Variants in LIPT1 observed in about 807,000 individuals in gnomAD.
The protein encoded by LIPT1 is lipoyltransferase 1.
In LIPT1, 22 loss-of-function variants were observed where a neutral mutation model predicts 25.1. That is an observed-to-expected ratio of 0.88 (90% CI 0.63 to 1.25). The LOEUF is 1.25. Among genes scored for constraint, LIPT1 ranks in the 50% most tolerant of loss-of-function variants. LIPT1 has a pLI of 0.00. For missense variants in LIPT1, 399 were observed against 432.8 expected, an observed-to-expected ratio of 0.92 and a Z score of 0.69; for synonymous variants, 131 against 150.8, an observed-to-expected ratio of 0.87 and a Z score of 0.96.
At chr2:99,160,014 G>A (rs1317807408) in intron 1 of LIPT1, among the ~76,000 whole-genome samples, 1 of 152,162 alleles carries the variant, frequency 6.6e-6, no homozygotes, top group Non-Finnish European at 1.5e-5. Context: ...AATGTAAACT[G>A]ATTCAACTTT....
intron 1 of LIPT1, among the ~76,000 whole-genome samples, chr2:99,159,003 A>G (rs1454393121): frequency 6.6e-6 from 1 of 151,902 alleles, no homozygotes; most frequent in Non-Finnish European, 1.5e-5. Context: ...ATCTCGGCTC[A>G]CTGCAAGCTC....
intron 1 of LIPT1, chr2:99,155,345 C>T (rs1305903997): frequency 2.4e-5 from 9 of 376,892 alleles, no homozygotes; most frequent in Non-Finnish European, 4.7e-5. Flanking sequence ...GTAAAACATG[C>T]ACACGACCGT....
chr2:99,157,985 A>C (rs1216865938), intron 1 of LIPT1, among the ~76,000 whole-genome samples: 1 of 152,234 alleles, frequency 6.6e-6, no homozygotes, highest in Non-Finnish European at 1.5e-5. Flanking sequence ...GTTAGCACAT[A>C]TTGTGTACTT....
intron 1 of LIPT1, among the ~76,000 whole-genome samples, chr2:99,157,019 A>C (rs1457900644): frequency 2.0e-5 from 3 of 152,220 alleles, no homozygotes; most frequent in African/African-American, 7.2e-5. Context: ...TATGCATATT[A>C]ACACATTTAA....
At chr2:99,155,101 G>C in intron 1 of LIPT1, 50 bp downstream of exon 1, 1 of 453,202 alleles carries the variant, frequency 2.2e-6, no homozygotes, top group Non-Finnish European at 4.4e-6. Context: ...GCCGTAGCGC[G>C]TGGGCGGCCG....
At chr2:99,159,713 G>T (rs1323557293) in intron 1 of LIPT1, among the ~76,000 whole-genome samples, 1 of 152,148 alleles carries the variant, frequency 6.6e-6, no homozygotes, top group East Asian at 1.9e-4. Flanking sequence ...ATATGGTACT[G>T]TGTCAAAGTC....
chr2:99,162,772 T>A lies in LIPT1; in HGVS notation c.815T>A (p.Ile272Lys), dbSNP rs768082526. ...AAAGAACTGCAAACTTGGGAGTGGA[T>A]ATATGGCAAAACTCCAAAGTTTAGT... ...KAKELQTWEW[I>K]YGKTPKFSIN... is the part of the protein sequence containing the mutation. Residue 272 changes from isoleucine to lysine, a missense_variant, in exon 2 of 2, where the codon ATA becomes AAA. Coordinates refer to ENST00000651691, the MANE Select transcript of LIPT1 (RefSeq NM_145199.3). 1 of 1,614,078 alleles carries A rather than the reference T, an allele frequency of 6.2e-7. No individual in the cohort carries two copies. The highest frequency in any genetic ancestry group is 8.5e-7 in the Non-Finnish European group (1 of 1,179,910).
intron 1 of LIPT1, among the ~76,000 whole-genome samples, chr2:99,160,103 A>C (rs1239660162): frequency 6.6e-6 from 1 of 152,244 alleles, no homozygotes; most frequent in East Asian, 1.9e-4. Context: ...CTTCTAAGAT[A>C]TTACTTAACT....
intron 1 of LIPT1, among the ~76,000 whole-genome samples, chr2:99,159,132 G>A (rs2093770278): frequency 6.6e-6 from 1 of 151,948 alleles, no homozygotes; most frequent in African/African-American, 2.4e-5. Context: ...GTTTCACTGT[G>A]TTAGCCAGGA....
chr2:99,163,085 A>C lies in LIPT1; in HGVS notation c.*6A>C. ...AAATTAAGGGAATAATGTGATTCCA[A>C]GTAAATGTCTTAATACAGTTTCAAT... On this transcript the variant is annotated 3_prime_UTR_variant, in exon 2 of 2. Transcript: ENST00000651691. 2 of 1,519,076 alleles carry C rather than the reference A, an allele frequency of 1.3e-6. No homozygotes were observed. The allele number at this position is 1,519,076 out of a possible 1,614,324, so 94.1% of individuals were successfully genotyped here.
At chr2:99,160,180 G>A (rs1264511021) in intron 1 of LIPT1, among the ~76,000 whole-genome samples, 1 of 152,208 alleles carries the variant, frequency 6.6e-6, no homozygotes, top group South Asian at 2.1e-4. Context: ...GCTGAGGCAG[G>A]AGGATCACTG....
intron 1 of LIPT1, 154 bp downstream of exon 1, chr2:99,155,205 C>T (rs2093738388): frequency 5.2e-6 from 2 of 385,024 alleles, no homozygotes; most frequent in South Asian, 3.7e-5. Flanking sequence ...CACACTTTCT[C>T]CTCAGCACTT....
intron 1 of LIPT1, among the ~76,000 whole-genome samples, chr2:99,158,791 G>A (rs895419294): frequency 1.3e-5 from 2 of 152,164 alleles, no homozygotes; most frequent in African/African-American, 4.8e-5. Flanking sequence ...TAGAGCATTA[G>A]ATGGCGCTCT....
intron 1 of LIPT1, among the ~76,000 whole-genome samples, chr2:99,156,023 C>A (rs2093748838): frequency 6.6e-6 from 1 of 152,168 alleles, no homozygotes; most frequent in Non-Finnish European, 1.5e-5. Context: ...AATAAGCTGG[C>A]AGTCAGGGAT....
chr2:99,157,444 T>C (rs1031774096), intron 1 of LIPT1, among the ~76,000 whole-genome samples: 3 of 152,166 alleles, frequency 2.0e-5, no homozygotes, highest in Admixed American at 6.5e-5. Context: ...TAACTCCACA[T>C]TCCTTTCTAC....
chr2:99,162,074 T>A lies in LIPT1; in HGVS notation c.117T>A (p.Asn39Lys). 1.9e-6 allele frequency: 3 copies of A among 1,614,136 alleles called. No individual in the cohort carries two copies. Among genetic ancestry groups the A allele is most frequent in the Non-Finnish European group, 2.5e-6 (3 of 1,179,996 alleles). Reference protein sequence around the residue: ...KNGLILQSISNDVYQNLAVED... With the variant: ...KNGLILQSISKDVYQNLAVED... ...GGCTCATTTTACAGTCAATTTCCAA[T>A]GATGTCTATCAAAATCTGGCTGTGG... Residue 39 changes from asparagine to lysine, a missense_variant, in exon 2 of 2, where the codon AAT becomes AAA. Coordinates refer to ENST00000651691, the MANE Select transcript of LIPT1 (RefSeq NM_145199.3).
intron 1 of LIPT1, chr2:99,161,313 T>A (rs1452797944): frequency 4.6e-5 from 4 of 86,378 alleles, no homozygotes; most frequent in African/African-American, 1.5e-4. Flanking sequence ...TATATATATA[T>A]ATATATATAT....
At position 99,162,487 on chromosome 2, in the gene LIPT1, A is replaced by G. The variant is rs2093803076; in HGVS notation, c.530A>G (p.His177Arg). ...SKIGRTTAYH[H>R]CTLLCSTDGT... Reference sequence around the variant, plus strand: ...ATCGGCCGGACTACTGCCTATCACCATTGCACTTTATTATGTAGTACTGAT... The same window carrying G: ...ATCGGCCGGACTACTGCCTATCACCGTTGCACTTTATTATGTAGTACTGAT... The change falls in exon 2 of 2, where the codon CAT (histidine) becomes CGT (arginine). Residue 177 changes from histidine (H) to arginine (R), a missense_variant. Physicochemically the swap from His to Arg is conservative, Grantham distance 29. Coordinates refer to ENST00000651691, the MANE Select transcript of LIPT1 (RefSeq NM_145199.3). The G allele has an allele frequency of 1.2e-6, 2 of 1,613,962 alleles. No individual in the cohort carries two copies. The highest frequency in any genetic ancestry group is 1.1e-5 in the South Asian group (1 of 91,080).
At chr2:99,155,306 G>A (rs534492996) in intron 1 of LIPT1, 1 of 369,422 alleles carries the variant, frequency 2.7e-6, no homozygotes, top group South Asian at 2.0e-5. Flanking sequence ...CTAGCTGTGT[G>A]CACGCCCCCT....
Sources: allele counts gnomAD v4.1 joint callset (sites outside exome capture counted in the v4.1 genomes callset), GRCh38; gene constraint gnomAD v4.1.1; transcripts MANE v1.5; gene names NCBI Gene and HGNC (gene_info 2026-07-23, HGNC 2026-07-21).